Variants in IFT140 observed in about 807,000 individuals in gnomAD.
IFT140 encodes the protein intraflagellar transport 140, also known as intraflagellar transport protein 140 homolog.
IFT140 carries 133 observed loss-of-function variants against 164.6 expected under a neutral mutation model. The ratio of observed to expected loss-of-function variants is 0.81; its 90% CI spans 0.70 to 0.93. The LOEUF (loss-of-function observed/expected upper bound fraction) is 0.93, where lower values mean the gene tolerates loss of function less well. Among genes scored for constraint, IFT140 ranks in the 40% least tolerant of loss-of-function variants. The probability of loss-of-function intolerance (pLI) is 0.00; values close to 1 mark genes in which losing one functional copy is unlikely to be tolerated. For synonymous variants in IFT140, 860 were observed against 817.3 expected (o/e 1.05, Z -0.89); for missense variants, 2,045 against 1,972.3 (o/e 1.04, Z -0.70).
At chr16:1,579,781 A>C (rs1189433807) in intron 13 of IFT140, among the ~76,000 whole-genome samples, 1 of 152,148 alleles carries the variant, frequency 6.6e-6, no homozygotes, top group African/African-American at 2.4e-5. Flanking sequence ...CCTGGCCAAC[A>C]TGGTGAAACC....
At chr16:1,522,787 G>C (rs997402119) in intron 26 of IFT140, among the ~76,000 whole-genome samples, 1 of 152,104 alleles carries the variant, frequency 6.6e-6, no homozygotes, top group African/African-American at 2.4e-5. Context: ...GCAGTGAGCC[G>C]AGATTGCGCC....
Position 1,510,444 on chromosome 16 carries a change from C to A in IFT140, c.*500G>T. ...GCACGGGCTCTCAGAAAATAAACTG[C>A]TTTATTGGAATTACAGGAGTGTTGG... On this transcript the variant is annotated 3_prime_UTR_variant, in exon 31 of 31. Transcript: ENST00000426508. 1 of 224,370 alleles carries A rather than the reference C, an allele frequency of 4.5e-6. No homozygotes were observed. The highest frequency in any genetic ancestry group is 8.9e-6 in the Non-Finnish European group (1 of 111,860). The allele number at this position is 224,370 out of a possible 1,614,324, so 13.9% of individuals were successfully genotyped here. A position where few individuals can be genotyped will look rare whatever the true frequency, so the allele number is the denominator to read the frequency against.
chr16:1,525,115 G>T, intron 22 of IFT140, 116 bp downstream of exon 22: 1 of 1,165,838 alleles, frequency 8.6e-7, no homozygotes, highest in East Asian at 2.4e-5. Flanking sequence ...GAGCCGGGAG[G>T]ACGCTGCCCA....
intron 3 of IFT140, among the ~76,000 whole-genome samples, chr16:1,603,457 C>G (rs971500566): frequency 1.3e-5 from 2 of 152,020 alleles, no homozygotes; most frequent in Non-Finnish European, 2.9e-5. Flanking sequence ...TCACTAATGA[C>G]AGCTTGTGAG....
intron 13 of IFT140, among the ~76,000 whole-genome samples, chr16:1,573,434 T>C (rs1283162210): frequency 2.0e-5 from 3 of 151,416 alleles, no homozygotes; most frequent in Non-Finnish European, 2.9e-5. Flanking sequence ...CCCAAAGTAC[T>C]GTCTTCAGGG....
chr16:1,558,722 G>A (rs2033240729), intron 18 of IFT140, among the ~76,000 whole-genome samples: 1 of 152,260 alleles, frequency 6.6e-6, no homozygotes, highest in Non-Finnish European at 1.5e-5. Context: ...CAGGGGCTCT[G>A]CACGCGCTCT....
intron 13 of IFT140, chr16:1,580,053 G>A (rs1338720264): frequency 6.6e-6 from 1 of 151,778 alleles, no homozygotes; most frequent in African/African-American, 2.4e-5. Flanking sequence ...AGGACATTAT[G>A]TCCTGAACTG....
chr16:1,555,066 C>A, intron 19 of IFT140: 1 of 1,573,750 alleles, frequency 6.4e-7, no homozygotes. Flanking sequence ...CACCTGCTAT[C>A]GTGGAACAGC....
intron 19 of IFT140, among the ~76,000 whole-genome samples, chr16:1,528,513 A>G (rs1983600): frequency 2.7e-5 from 4 of 150,750 alleles, no homozygotes; most frequent in Non-Finnish European, 4.4e-5. Context: ...ACATGCAGGC[A>G]CACACACAGG....
chr16:1,510,706 A>G lies in IFT140; in HGVS notation c.*238T>C. The G allele has an allele frequency of 1.7e-6, 1 of 592,222 alleles. No homozygotes were observed. Among genetic ancestry groups the G allele is most frequent in the South Asian group, 2.0e-5 (1 of 50,034 alleles). The allele number at this position is 592,222 out of a possible 1,614,324, so 36.7% of individuals were successfully genotyped here. A position where few individuals can be genotyped will look rare whatever the true frequency, so the allele number is the denominator to read the frequency against. On this transcript the variant is annotated 3_prime_UTR_variant, in exon 31 of 31. Transcript: ENST00000426508. Reference sequence around the variant, plus strand: ...GGGTGAACCCGACTCCCTTCAAAGGAATGAATCCAAAAATCTAGTGGAGCT... The same window carrying G: ...GGGTGAACCCGACTCCCTTCAAAGGGATGAATCCAAAAATCTAGTGGAGCT...
chr16:1,521,918 A>G (rs1379275058), intron 26 of IFT140, among the ~76,000 whole-genome samples: 13 of 101,840 alleles, frequency 1.3e-4, no homozygotes, highest in Admixed American at 1.1e-3. Context: ...ATTTATATTT[A>G]AAAAAAAAAA....
At position 1,592,215 on chromosome 16, in the gene IFT140, A is replaced by AC; in HGVS notation, c.594dup (p.Ser199ValfsTer21). On this transcript the variant is annotated frameshift_variant, in exon 6 of 31. Coordinates refer to ENST00000426508, the MANE Select transcript of IFT140 (RefSeq NM_014714.4). LOFTEE classifies it high-confidence loss of function. ...ACAAAGAACAACAGCCCCTCGTGAGACCCCATCTTCAGCAAACTTCCAGAA... is the reference window on the plus strand; with the variant it reads ...ACAAAGAACAACAGCCCCTCGTGAGACCCCCATCTTCAGCAAACTTCCAGAA... 1 of 1,614,136 alleles carries AC rather than the reference A, an allele frequency of 6.2e-7. No individual in the cohort carries two copies. The highest frequency in any genetic ancestry group is 8.5e-7 in the Non-Finnish European group (1 of 1,180,022).
rs776891038 is a variant in IFT140, at chr16:1,510,916, A to G, written c.*28T>C. On this transcript the variant is annotated 3_prime_UTR_variant, in exon 31 of 31. Transcript: ENST00000426508. The stretch of plus-strand genomic sequence containing the variant: ...ATTCCAGAAGATGCCTTTCTGCAGC[A>G]GCACGCTGGTCCTGGGGCCCAGGCC... 1.9e-6 allele frequency: 3 copies of G among 1,595,598 alleles called. No individual in the cohort carries two copies. Among genetic ancestry groups the G allele is most frequent in the Non-Finnish European group, 2.6e-6 (3 of 1,168,808 alleles).
intron 13 of IFT140, among the ~76,000 whole-genome samples, chr16:1,576,462 G>A (rs1263599844): frequency 6.8e-6 from 1 of 147,510 alleles, no homozygotes; most frequent in East Asian, 2.0e-4. Flanking sequence ...CGTGGTGGTG[G>A]GCGCCTGTAG....
At position 1,519,972 on chromosome 16, in the gene IFT140, C is replaced by T. The variant is rs907068323; in HGVS notation, c.3949G>A (p.Ala1317Thr). The T allele has an allele frequency of 3.1e-6, 5 of 1,606,530 alleles. No homozygotes were observed. Among genetic ancestry groups the T allele is most frequent in the Non-Finnish European group, 2.5e-6 (3 of 1,177,240 alleles). Residue 1317 changes from alanine (A) to threonine (T), a missense_variant, in exon 29 of 31, where the codon GCC (alanine) becomes ACC (threonine). Physicochemically the swap from Ala to Thr is moderately conservative, Grantham distance 58. Transcript: ENST00000426508. ...TGGTCCAGGGGGCTCTTGGCCTTGG[C>T]CTTGGCCAGGCACTTGTAGGCCTCG... ...LTEAYKCLAK[A>T]KAKSPLDQET... is the part of the protein sequence containing the mutation.
At chr16:1,588,441 C>T (rs754938909) in intron 7 of IFT140, among the ~76,000 whole-genome samples, 13 of 151,904 alleles carry the variant, frequency 8.6e-5, no homozygotes, top group Non-Finnish European at 1.8e-4. Flanking sequence ...AGGAGAATGG[C>T]GTGAACACGG....
rs930713153 is a variant in IFT140, at chr16:1,564,515, G to C, written c.1902-353C>G. Among the ~76,000 whole-genome samples, 2 of 152,184 alleles carry C rather than the reference G, an allele frequency of 1.3e-5. No individual in the cohort carries two copies. Among genetic ancestry groups the C allele is most frequent in the Admixed American group, 1.3e-4 (2 of 15,282 alleles). ...ACCTCGAGGTGGGATGGCACCCCCT[G>C]CTGGGCGGGGTCGAGGCTTTGGCTC... On this transcript the variant is annotated intron_variant, in intron 16 of 30. Coordinates refer to ENST00000426508, the MANE Select transcript of IFT140 (RefSeq NM_014714.4). The surrounding 1 kb of genome is among the most constrained non-coding windows in gnomAD (Gnocchi z 5.5).
Position 1,587,953 on chromosome 16 carries a change from G to A in IFT140, c.882C>T (p.Ala294=), listed in dbSNP as rs768675467. ...ALIEGSLLVM[A]VGEAALRFWD... The stretch of plus-strand genomic sequence containing the variant: ...CTCACCTGAGGGCAGCCTCCCCGAC[G>A]GCCATCACGAGAAGGCTGCCTTCAA... The change falls in exon 8 of 31, where the codon GCC becomes GCT. Residue 294 remains alanine, a synonymous_variant. Coordinates refer to ENST00000426508, the MANE Select transcript of IFT140 (RefSeq NM_014714.4). 30 of 1,612,680 alleles carry A rather than the reference G, an allele frequency of 1.9e-5. No homozygotes were observed. The highest frequency in any genetic ancestry group is 1.6e-4 in the Middle Eastern group (1 of 6,084).
At chr16:1,577,494 A>G (rs1190309070) in intron 13 of IFT140, 1 of 152,174 alleles carries the variant, frequency 6.6e-6, no homozygotes, top group African/African-American at 2.4e-5. Flanking sequence ...CAACAGTTAT[A>G]TGGGGATTTT....
Sources: allele counts gnomAD v4.1 joint callset (sites outside exome capture counted in the v4.1 genomes callset), GRCh38; gene constraint gnomAD v4.1.1; non-coding constraint Gnocchi (gnomAD v3.1); transcripts MANE v1.5; gene names NCBI Gene and HGNC (gene_info 2026-07-23, HGNC 2026-07-21).